PACRG: variants seen among roughly 807,000 people sequenced by gnomAD.
PACRG encodes parkin coregulated gene protein.
PACRG carries 29 observed loss-of-function variants against 29.7 expected under a neutral mutation model. The ratio of observed to expected loss-of-function variants is 0.98; its 90% CI spans 0.73 to 1.33. The LOEUF (loss-of-function observed/expected upper bound fraction) is 1.33, where lower values mean the gene tolerates loss of function less well. Among genes scored for constraint, PACRG ranks in the 40% most tolerant of loss-of-function variants. The probability of loss-of-function intolerance (pLI) is 0.00; values close to 1 mark genes in which losing one functional copy is unlikely to be tolerated. For synonymous variants in PACRG, 116 were observed against 118.7 expected, an observed-to-expected ratio of 0.98 and a Z score of 0.15; for missense variants, 279 against 316.2, an observed-to-expected ratio of 0.88 and a Z score of 0.89.
intron 1 of PACRG, among the ~76,000 whole-genome samples, chr6:162,801,387 G>A (rs147772523): frequency 6.6e-6 from 1 of 152,180 alleles, no homozygotes; most frequent in Non-Finnish European, 1.5e-5. Flanking sequence ...GGGATTATAG[G>A]CGTAAGCCAC....
At chr6:162,795,629 A>G (rs1473846176) in intron 1 of PACRG, among the ~76,000 whole-genome samples, 2 of 152,154 alleles carry the variant, frequency 1.3e-5, no homozygotes, top group Non-Finnish European at 2.9e-5. Flanking sequence ...AAAAAGAAAA[A>G]CCTAGTTGTA....
At chr6:163,070,729 C>A (rs1811962255) in intron 3 of PACRG, among the ~76,000 whole-genome samples, 1 of 149,578 alleles carries the variant, frequency 6.7e-6, no homozygotes. Context: ...TGTAAATGCA[C>A]AAAAATCTCC....
At chr6:162,957,442 C>T in intron 2 of PACRG, 2 of 516,556 alleles carry the variant, frequency 3.9e-6, no homozygotes, top group Non-Finnish European at 7.4e-6. Context: ...TGGGCACACA[C>T]CACATGCAGA....
chr6:163,238,501 G>A (rs1349156519), intron 4 of PACRG, among the ~76,000 whole-genome samples: 1 of 152,188 alleles, frequency 6.6e-6, no homozygotes, highest in Non-Finnish European at 1.5e-5. Flanking sequence ...TCAAATGAGA[G>A]AAAATCTTTG....
intron 2 of PACRG, among the ~76,000 whole-genome samples, chr6:162,869,396 T>C (rs911928436): frequency 6.6e-6 from 1 of 152,150 alleles, no homozygotes; most frequent in African/African-American, 2.4e-5. Context: ...TATTATTAGT[T>C]TTGAGTGTAC....
At chr6:163,130,647 C>T (rs903627302) in intron 4 of PACRG, among the ~76,000 whole-genome samples, 1 of 152,214 alleles carries the variant, frequency 6.6e-6, no homozygotes, top group Admixed American at 6.5e-5. Context: ...TTGGGCACAA[C>T]GTGCCCTTCT....
chr6:162,931,896 T>C (rs557864012), intron 2 of PACRG, among the ~76,000 whole-genome samples: 1 of 152,120 alleles, frequency 6.6e-6, no homozygotes, highest in African/African-American at 2.4e-5. Flanking sequence ...TAGAGCCATT[T>C]CACTTCTAGG....
chr6:163,257,177 T>G (rs1783146369), intron 4 of PACRG, among the ~76,000 whole-genome samples: 1 of 152,076 alleles, frequency 6.6e-6, no homozygotes, highest in Non-Finnish European at 1.5e-5. Flanking sequence ...AAGGGCACAC[T>G]CACAGGTATG....
intron 4 of PACRG, among the ~76,000 whole-genome samples, chr6:163,133,909 G>T (rs1182839539): frequency 6.6e-6 from 1 of 152,074 alleles, no homozygotes; most frequent in East Asian, 1.9e-4. Flanking sequence ...TTTAAAACAG[G>T]GTCTAACTCA....
intron 2 of PACRG, among the ~76,000 whole-genome samples, chr6:162,906,816 GA>G (rs925525732): frequency 6.6e-6 from 1 of 152,172 alleles, no homozygotes; most frequent in African/African-American, 2.4e-5. Context: ...GTACCTCACA[GA>G]AAATTTCACT....
rs537878089 is a variant in PACRG at position 162,918,987 on chromosome 6, G to A, written c.291+104706G>A. 1.6e-4 allele frequency among the ~76,000 whole-genome samples: 25 copies of A among 152,184 alleles called. No individual in the cohort carries two copies. The East Asian group carries it at 2.9e-3, about 18-fold the overall frequency. On this transcript the variant is annotated intron_variant, in intron 2 of 4. Transcript: ENST00000366888. ...GCCATTGCAAAGATGAGAGAGACTA[G>A]GGAGTGATTAGGACAAGTAACTGGG...
At chr6:162,891,170 G>A (rs1160373409) in intron 2 of PACRG, among the ~76,000 whole-genome samples, 2 of 152,184 alleles carry the variant, frequency 1.3e-5, no homozygotes, top group East Asian at 1.9e-4. Context: ...AACACACCCA[G>A]TCTGACCCCA....
chr6:162,779,205 A>G (rs915889030), intron 1 of PACRG, among the ~76,000 whole-genome samples: 22 of 152,322 alleles, frequency 1.4e-4, no homozygotes, highest in African/African-American at 5.1e-4. Context: ...TGCAAAGGAC[A>G]TACTCTCATT....
intron 2 of PACRG, among the ~76,000 whole-genome samples, chr6:162,952,083 G>T (rs1001868059): frequency 6.6e-6 from 1 of 152,164 alleles, no homozygotes; most frequent in Non-Finnish European, 1.5e-5. Context: ...AATGACAGGG[G>T]TAATGATCCT....
chr6:163,114,393 G>A lies in PACRG; in HGVS notation c.613+24985G>A, dbSNP rs1327176672. On this transcript the variant is annotated intron_variant, in intron 4 of 4. Transcript: ENST00000366888. ...TAGGATATTAAACGTAATCCTTAGGGTGACCACAAAGAAAATAGCTATAGA... is the reference window on the plus strand; with the variant it reads ...TAGGATATTAAACGTAATCCTTAGGATGACCACAAAGAAAATAGCTATAGA... Among the ~76,000 whole-genome samples the A allele has an allele frequency of 2.0e-5, 3 of 152,074 alleles. No homozygotes were observed. In the South Asian group the frequency reaches 6.2e-4, roughly 31 times the overall value.
intron 4 of PACRG, among the ~76,000 whole-genome samples, chr6:163,234,333 A>T (rs1394263655): frequency 1.3e-5 from 2 of 151,866 alleles, no homozygotes; most frequent in Admixed American, 6.6e-5. Context: ...GTGAGTTCTC[A>T]CTCTTAGTTC....
chr6:162,846,350 T>C (rs1790378441), intron 2 of PACRG, among the ~76,000 whole-genome samples: 1 of 152,290 alleles, frequency 6.6e-6, no homozygotes, highest in African/African-American at 2.4e-5. Context: ...GGGAAGTGCA[T>C]TCTCATAGCC....
chr6:163,051,134 G>A (rs939977767), intron 2 of PACRG: 1 of 152,054 alleles, frequency 6.6e-6, no homozygotes, highest in African/African-American at 2.4e-5. Context: ...CCTAGCTACT[G>A]AATTTTTAAG....
intron 2 of PACRG, among the ~76,000 whole-genome samples, chr6:162,889,015 C>T (rs1330561110): frequency 1.3e-5 from 2 of 152,158 alleles, no homozygotes; most frequent in African/African-American, 4.8e-5. Flanking sequence ...GGCTCAATCC[C>T]TCTGTGACAG....
Sources: allele counts gnomAD v4.1 joint callset (sites outside exome capture counted in the v4.1 genomes callset), GRCh38; gene constraint gnomAD v4.1.1; transcripts MANE v1.5; gene names NCBI Gene and HGNC (gene_info 2026-07-23, HGNC 2026-07-21).